The following TMTC1 variants were observed in gnomAD, a reference collection of about 807,000 sequenced individuals.
TMTC1 encodes protein O-mannosyl-transferase TMTC1.
Under a neutral mutation model 104.8 loss-of-function variants are expected in TMTC1, and 73 were observed. That is an observed-to-expected ratio of 0.70 (90% CI 0.58 to 0.85). The LOEUF is 0.85. Among genes scored for constraint, TMTC1 ranks in the 40% least tolerant of loss-of-function variants. TMTC1 has a pLI of 0.00. For missense variants in TMTC1, 1,035 were observed against 1,096.1 expected (o/e 0.94, Z 0.79); for synonymous variants, 434 against 428.7 (o/e 1.01, Z -0.15).
chr12:29,635,319 T>C (rs1183307569), intron 5 of TMTC1, among the ~76,000 whole-genome samples: 1 of 152,202 alleles, frequency 6.6e-6, no homozygotes, highest in African/African-American at 2.4e-5. Flanking sequence ...TTCAGGCTGA[T>C]GCCATCTACC....
At position 29,695,793 on chromosome 12, in the gene TMTC1, T is replaced by TTATATATATATATATATATATATA. The variant is rs113135039; in HGVS notation, c.938+55849_938+55872dup. Among the ~76,000 whole-genome samples the TTATATATATATATATATATATATA allele has an allele frequency of 2.6e-3, 219 of 83,676 alleles. 16 individuals are homozygous for TTATATATATATATATATATATATA. Among genetic ancestry groups the TTATATATATATATATATATATATA allele is most frequent in the Non-Finnish European group, 4.3e-3 (159 of 37,088 alleles). The allele number at this position is 83,676 out of a possible 152,430, so 54.9% of individuals were successfully genotyped here. A position where few individuals can be genotyped will look rare whatever the true frequency, so the allele number is the denominator to read the frequency against. ...TCACAAATTTTAAACTACTTCCTTTTTATATATATATATATATATATATAT... is the reference window on the plus strand; with the variant it reads ...TCACAAATTTTAAACTACTTCCTTTTTATATATATATATATATATATATATATATATATATATATATATATATAT... On this transcript the variant is annotated intron_variant, in intron 5 of 17. Transcript: ENST00000539277.
chr12:29,553,914 T>C (rs565802862), intron 10 of TMTC1, among the ~76,000 whole-genome samples: 31 of 152,208 alleles, frequency 2.0e-4, no homozygotes, highest in South Asian at 6.2e-4. Context: ...CAGCACCATA[T>C]TATGATCATA....
chr12:29,756,386 CCAT>C (rs1943216980), intron 3 of TMTC1, among the ~76,000 whole-genome samples: 1 of 152,148 alleles, frequency 6.6e-6, no homozygotes, highest in Non-Finnish European at 1.5e-5. Context: ...GTGTGTATCA[CCAT>C]CATCATTATG....
chr12:29,757,010 C>T (rs1255241044), intron 3 of TMTC1, among the ~76,000 whole-genome samples: 1 of 152,138 alleles, frequency 6.6e-6, no homozygotes, highest in Non-Finnish European at 1.5e-5. Context: ...CAAGTTTAAA[C>T]TCCAAAGCAA....
At chr12:29,613,527 G>T (rs959220208) in intron 6 of TMTC1, among the ~76,000 whole-genome samples, 2 of 152,170 alleles carry the variant, frequency 1.3e-5, no homozygotes, top group African/African-American at 2.4e-5. Context: ...AGAATCCTAG[G>T]TCAAGAACTC....
At chr12:29,622,417 C>G (rs1359384231) in intron 6 of TMTC1, among the ~76,000 whole-genome samples, 6 of 152,132 alleles carry the variant, frequency 3.9e-5, no homozygotes, top group African/African-American at 1.4e-4. Context: ...ATTAACTGCT[C>G]TAAATAATCC....
chr12:29,571,023 A>T (rs1945662108), intron 9 of TMTC1, among the ~76,000 whole-genome samples: 3 of 152,162 alleles, frequency 2.0e-5, no homozygotes. Flanking sequence ...TAACAATGAC[A>T]CTATCAAAAT....
chr12:29,565,241 G>A (rs544544320), intron 9 of TMTC1, among the ~76,000 whole-genome samples: 61 of 152,260 alleles, frequency 4.0e-4, no homozygotes, highest in Middle Eastern at 3.4e-3. Context: ...CCTTCAACGG[G>A]ATGGATGAGG....
rs1555167547 is a variant in TMTC1, at chr12:29,545,676, C to CACACACACACACACACACACACACACAG, written c.1677-9360_1677-9359insCTGTGTGTGTGTGTGTGTGTGTGTGTGT. Among the ~76,000 whole-genome samples, 11 of 137,942 alleles carry CACACACACACACACACACACACACACAG rather than the reference C, an allele frequency of 8.0e-5. 1 individual carries two copies. Among genetic ancestry groups the CACACACACACACACACACACACACACAG allele is most frequent in the African/African-American group, 3.1e-4 (11 of 35,648 alleles). The allele number at this position is 137,942 out of a possible 152,430, so 90.5% of individuals were successfully genotyped here. A position where few individuals can be genotyped will look rare whatever the true frequency, so the allele number is the denominator to read the frequency against. ...ACACACACACACACACACACACACA[C>CACACACACACACACACACACACACACAG]GGATAGAAACTAAGCCTCAGCAAAG... On this transcript the variant is annotated intron_variant, in intron 10 of 17. Transcript: ENST00000539277.
chr12:29,656,404 G>C (rs564841367), intron 5 of TMTC1, among the ~76,000 whole-genome samples: 89 of 147,426 alleles, frequency 6.0e-4, no homozygotes, highest in African/African-American at 2.2e-3. Context: ...CTGTCACCCA[G>C]GCTGGAGTGG....
chr12:29,751,519 C>T (rs1301076726), intron 5 of TMTC1, 147 bp downstream of exon 5: 3 of 799,426 alleles, frequency 3.8e-6, no homozygotes, highest in Non-Finnish European at 4.2e-6. Context: ...GAAATAGGGA[C>T]AGGAAGAAGG....
In TMTC1 at chr12:29,767,924, C is replaced by T; in HGVS notation, c.454G>A (p.Ala152Thr). 3 of 1,613,652 alleles carry T rather than the reference C, an allele frequency of 1.9e-6. No homozygotes were observed. Among genetic ancestry groups the T allele is most frequent in the Non-Finnish European group, 2.5e-6 (3 of 1,179,838 alleles). ...GCCTCAGTATGAATAGGATGTACAG[C>T]AAAAAGCAATGCCGTTACAAAAGCA... Reference protein sequence around the residue: ...GLAFVTALLFAVHPIHTEAVA... With the variant: ...GLAFVTALLFTVHPIHTEAVA... The change falls in exon 2 of 18, where the codon GCT becomes ACT. Residue 152 changes from alanine to threonine, a missense_variant. Physicochemically the swap from Ala to Thr is moderately conservative, Grantham distance 58. Transcript: ENST00000539277.
Position 29,627,049 on chromosome 12 carries a change from C to T in TMTC1, c.1128+6098G>A, listed in dbSNP as rs187913302. Reference sequence around the variant, plus strand: ...CCCGGGAGGCGGAGTTGCAGTGAGCCGAGATTGCGCCATTGCACTCCAGCC... The same window carrying T: ...CCCGGGAGGCGGAGTTGCAGTGAGCTGAGATTGCGCCATTGCACTCCAGCC... On this transcript the variant is annotated intron_variant, in intron 6 of 17. Transcript: ENST00000539277. Among the ~76,000 whole-genome samples, 108 of 151,868 alleles carry T rather than the reference C, an allele frequency of 7.1e-4. 1 individual carries two copies. The Middle Eastern group carries it at 0.017, about 24-fold the overall frequency.
At chr12:29,577,795 G>T (rs559571908) in intron 8 of TMTC1, among the ~76,000 whole-genome samples, 1 of 152,152 alleles carries the variant, frequency 6.6e-6, no homozygotes, top group Non-Finnish European at 1.5e-5. Context: ...TTATTTGAAT[G>T]TTAAAAAGCA....
At chr12:29,776,729 A>G (rs1341790065) in intron 1 of TMTC1, among the ~76,000 whole-genome samples, 1 of 24,120 alleles carries the variant, frequency 4.1e-5, no homozygotes, top group African/African-American at 1.1e-4. Context: ...TAAGGGTAAA[A>G]AAACACAGAG....
chr12:29,559,796 A>G (rs1457639051), intron 9 of TMTC1, among the ~76,000 whole-genome samples: 2 of 152,218 alleles, frequency 1.3e-5, no homozygotes, highest in African/African-American at 4.8e-5. Context: ...CCTGCTAGCA[A>G]TATCCTTTCT....
chr12:29,598,895 T>C (rs159706), intron 7 of TMTC1, among the ~76,000 whole-genome samples: 152,353 of 152,364 alleles, frequency 1, 76,171 homozygotes, highest in Non-Finnish European at 1. Flanking sequence ...TAACTTCTTC[T>C]TTTCTAATGT....
In TMTC1 at chr12:29,751,723, G is replaced by C; in HGVS notation, c.881C>G (p.Pro294Arg). 6.2e-7 allele frequency: 1 copy of C among 1,614,098 alleles called. No individual in the cohort carries two copies. The highest frequency in any genetic ancestry group is 8.5e-7 in the Non-Finnish European group (1 of 1,180,026). The part of the protein sequence containing the change: ...AWGGCHSPLP[P>R]EPKSSGFPVS... The stretch of plus-strand genomic sequence containing the variant: ...TGGGAATCCACTGCTCTTGGGTTCT[G>C]GTGGCAGTGGAGAGTGGCAGCCACC... The change falls in exon 5 of 18, where the codon CCA (proline) becomes CGA (arginine). Residue 294 changes from proline (P) to arginine (R), a missense_variant. Physicochemically the swap from Pro to Arg is moderately radical, Grantham distance 103. Transcript: ENST00000539277.
chr12:29,514,339 C>T (rs1943922987), intron 16 of TMTC1, 143 bp downstream of exon 16: 1 of 757,524 alleles, frequency 1.3e-6, no homozygotes, highest in Non-Finnish European at 1.9e-6. Context: ...AAAACTTCGT[C>T]AATTAGTTAA....
Sources: gnomAD v4.1 joint callset for allele counts (sites outside exome capture counted in the v4.1 genomes callset) on GRCh38, gnomAD v4.1.1 for gene constraint, MANE v1.5 for transcripts, NCBI Gene and HGNC (gene_info 2026-07-23, HGNC 2026-07-21) for gene names.